Variants in CDKN2AIPNL observed in about 807,000 individuals in gnomAD.
CDKN2AIPNL encodes the protein CDKN2AIP N-terminal-like protein.
Under a neutral mutation model 12.9 loss-of-function variants are expected in CDKN2AIPNL, and 9 were observed. The observed-to-expected ratio is 0.70, with a 90% confidence interval of 0.42 to 1.22. The LOEUF (loss-of-function observed/expected upper bound fraction) is 1.22, where lower values mean the gene tolerates loss of function less well. CDKN2AIPNL is among the 50% of genes most tolerant of loss of function. CDKN2AIPNL has a pLI of 0.00. For missense variants in CDKN2AIPNL, 143 were observed against 153.6 expected (o/e 0.93, Z 0.37); for synonymous variants, 53 against 61.7 (o/e 0.86, Z 0.66).
Position 134,411,860 on chromosome 5 carries a change from C to A in CDKN2AIPNL, c.-6G>T. ...GCCGCCTCGCCACCGACCATGGTGCCCGCCGCAGCCGAGGACCGGATAGCC... is the reference window on the plus strand; with the variant it reads ...GCCGCCTCGCCACCGACCATGGTGCACGCCGCAGCCGAGGACCGGATAGCC... On this transcript the variant is annotated 5_prime_UTR_variant, in exon 1 of 3. Coordinates refer to ENST00000458198, the MANE Select transcript of CDKN2AIPNL (RefSeq NM_080656.3). 6.4e-7 allele frequency: 1 copy of A among 1,559,976 alleles called. No homozygotes were observed. The highest frequency in any genetic ancestry group is 8.7e-7 in the Non-Finnish European group (1 of 1,153,178).
chr5:134,409,260 C>T (rs1365709250), intron 2 of CDKN2AIPNL, among the ~76,000 whole-genome samples: 1 of 152,154 alleles, frequency 6.6e-6, no homozygotes, highest in Non-Finnish European at 1.5e-5. Context: ...AATTCTGCTG[C>T]CTGAGCAGAC....
At position 134,411,820 on chromosome 5, in the gene CDKN2AIPNL, T is replaced by A; in HGVS notation, c.35A>T (p.Glu12Val). The A allele has an allele frequency of 1.3e-6, 2 of 1,595,206 alleles. No homozygotes were observed. The highest frequency in any genetic ancestry group is 1.7e-6 in the Non-Finnish European group (2 of 1,172,130). Residue 12 changes from glutamate (E) to valine (V), a missense_variant, in exon 1 of 3, where the codon GAG (glutamate) becomes GTG (valine). This residue lies in a region of CDKN2AIPNL where 30 missense variants were observed against 25.2 expected (regional missense o/e 1.19). Transcript: ENST00000458198. Reference sequence around the variant, plus strand: ...CGCCTGCCGCACCCCCGAAACCAGCTCCTCCACTGCGGCAGCCGCCTCGCC... The same window carrying A: ...CGCCTGCCGCACCCCCGAAACCAGCACCTCCACTGCGGCAGCCGCCTCGCC... Reference protein sequence around the residue: ...VGGEAAAAVEELVSGVRQAAD... With the variant: ...VGGEAAAAVEVLVSGVRQAAD...
At chr5:134,408,367 C>G (rs1246190121) in intron 2 of CDKN2AIPNL, among the ~76,000 whole-genome samples, 1 of 151,888 alleles carries the variant, frequency 6.6e-6, no homozygotes, top group Admixed American at 6.6e-5. Context: ...AACAGTAGCC[C>G]CTTTTTAACA....
In CDKN2AIPNL at chr5:134,411,528, A is replaced by G; in HGVS notation, c.239+88T>C. On this transcript the variant is annotated intron_variant, in intron 1 of 2. Coordinates refer to ENST00000458198, the MANE Select transcript of CDKN2AIPNL (RefSeq NM_080656.3). ...GTTGGGCCCGGGTTCAGTCTGGGGC[A>G]GAGGTTCGGGTCAGGGGTGAGCCCT... 4 of 1,159,290 alleles carry G rather than the reference A, an allele frequency of 3.5e-6. No homozygotes were observed. In the South Asian group the frequency reaches 4.0e-5, roughly 12 times the overall value. The allele number at this position is 1,159,290 out of a possible 1,614,324, so 71.8% of individuals were successfully genotyped here.
intron 2 of CDKN2AIPNL, among the ~76,000 whole-genome samples, chr5:134,405,196 C>T (rs1759084244): frequency 6.6e-6 from 1 of 150,804 alleles, no homozygotes; most frequent in South Asian, 2.1e-4. Context: ...AGCTCCGCCT[C>T]CCAGGTTCAC....
At position 134,411,821 on chromosome 5, in the gene CDKN2AIPNL, C is replaced by G. The variant is rs1759197558; in HGVS notation, c.34G>C (p.Glu12Gln). 3 of 1,594,850 alleles carry G rather than the reference C, an allele frequency of 1.9e-6. No individual in the cohort carries two copies. The African/African-American group carries it at 4.0e-5, about 22-fold the overall frequency. Reference sequence around the variant, plus strand: ...GCCTGCCGCACCCCCGAAACCAGCTCCTCCACTGCGGCAGCCGCCTCGCCA... The same window carrying G: ...GCCTGCCGCACCCCCGAAACCAGCTGCTCCACTGCGGCAGCCGCCTCGCCA... The part of the protein sequence containing the change: ...VGGEAAAAVE[E>Q]LVSGVRQAAD... The change falls in exon 1 of 3, where the codon GAG (glutamate) becomes CAG (glutamine). Residue 12 changes from glutamate to glutamine, a missense_variant. Physicochemically the swap from Glu to Gln is conservative, Grantham distance 29 (BLOSUM62 2). This residue lies in a region of CDKN2AIPNL where 30 missense variants were observed against 25.2 expected (regional missense o/e 1.19). Transcript: ENST00000458198.
intron 2 of CDKN2AIPNL, among the ~76,000 whole-genome samples, chr5:134,406,066 C>T (rs1389938360): frequency 1.3e-5 from 2 of 152,152 alleles, no homozygotes; most frequent in Non-Finnish European, 2.9e-5. Context: ...GAAAAAAAAT[C>T]ATATACTGCA....
chr5:134,409,881 T>G (rs781284149), intron 2 of CDKN2AIPNL, 22 bp downstream of exon 2: 1 of 1,479,516 alleles, frequency 6.8e-7, no homozygotes, highest in South Asian at 1.1e-5. Context: ...TTTCATCACA[T>G]GCACTTGGAA....
intron 2 of CDKN2AIPNL, among the ~76,000 whole-genome samples, chr5:134,405,962 G>C (rs560276789): frequency 6.6e-6 from 1 of 152,174 alleles, no homozygotes; most frequent in Non-Finnish European, 1.5e-5. Context: ...GGTAAGGTGA[G>C]CAACCACAAA....
intron 2 of CDKN2AIPNL, among the ~76,000 whole-genome samples, chr5:134,409,132 T>C (rs996279179): frequency 1.3e-5 from 2 of 152,202 alleles, no homozygotes; most frequent in African/African-American, 4.8e-5. Flanking sequence ...ATAAGTATAC[T>C]AGGTTTGGGA....
chr5:134,404,871 C>T (rs988441866), intron 2 of CDKN2AIPNL, among the ~76,000 whole-genome samples: 1 of 152,110 alleles, frequency 6.6e-6, no homozygotes, highest in Non-Finnish European at 1.5e-5. Flanking sequence ...CTGCAACCTC[C>T]GCCTTCCAGG....
chr5:134,410,134 CATG>C lies in CDKN2AIPNL; in HGVS notation c.240-135_240-133del, dbSNP rs1360378865. 8 of 607,336 alleles carry C rather than the reference CATG, an allele frequency of 1.3e-5. No homozygotes were observed. The Admixed American group carries it at 1.8e-4, about 14-fold the overall frequency. The allele number at this position is 607,336 out of a possible 1,614,324, so 37.6% of individuals were successfully genotyped here. A position where few individuals can be genotyped will look rare whatever the true frequency, so the allele number is the denominator to read the frequency against. On this transcript the variant is annotated intron_variant, in intron 1 of 2. Transcript: ENST00000458198. Reference sequence around the variant, plus strand: ...CCTGATACTGCAGGGCAAACCTATACATGTTCCCCACAAGGTTTTGAGATGGAG... The same window carrying C: ...CCTGATACTGCAGGGCAAACCTATACTTCCCCACAAGGTTTTGAGATGGAG...
At chr5:134,405,510 G>A (rs1366178197) in intron 2 of CDKN2AIPNL, among the ~76,000 whole-genome samples, 2 of 151,146 alleles carry the variant, frequency 1.3e-5, no homozygotes, top group East Asian at 2.0e-4. Context: ...TCCACCTCCC[G>A]GGTTCAAGTG....
intron 1 of CDKN2AIPNL, chr5:134,410,975 T>C: frequency 1.4e-6 from 1 of 700,940 alleles, no homozygotes; most frequent in Non-Finnish European, 2.6e-6. Context: ...CTTTTGGTGC[T>C]GCAGCCAGGA....
intron 2 of CDKN2AIPNL, among the ~76,000 whole-genome samples, 161 bp from the exon 3 acceptor site, chr5:134,403,087 G>A (rs1019068839): frequency 2.0e-5 from 3 of 152,144 alleles, no homozygotes; most frequent in Non-Finnish European, 2.9e-5. Context: ...AGAAAATTCA[G>A]CAAAACATTG....
At chr5:134,410,280 C>A (rs1215538356) in intron 1 of CDKN2AIPNL, among the ~76,000 whole-genome samples, 2 of 152,104 alleles carry the variant, frequency 1.3e-5, no homozygotes, top group South Asian at 4.2e-4. Context: ...GGATTACAGG[C>A]GTGTGCCACC....
intron 2 of CDKN2AIPNL, among the ~76,000 whole-genome samples, chr5:134,407,246 G>C (rs1169814845): frequency 8.4e-6 from 1 of 119,310 alleles, no homozygotes; most frequent in East Asian, 2.5e-4. Flanking sequence ...GTTTCAGAAA[G>C]ACCCTTCCTA....
chr5:134,407,798 C>A (rs897404374), intron 2 of CDKN2AIPNL, among the ~76,000 whole-genome samples: 4 of 146,984 alleles, frequency 2.7e-5, no homozygotes, highest in African/African-American at 1.0e-4. Context: ...AATCAGAAAA[C>A]CTCTTAGAAA....
chr5:134,405,442 A>T (rs1184361327), intron 2 of CDKN2AIPNL, among the ~76,000 whole-genome samples: 1 of 146,850 alleles, frequency 6.8e-6, no homozygotes, highest in Non-Finnish European at 1.5e-5. Context: ...TTTGAGACAG[A>T]GTCTCACTCT....
Sources: gnomAD v4.1 joint callset for allele counts (sites outside exome capture counted in the v4.1 genomes callset) on GRCh38, gnomAD v4.1.1 for gene constraint, gnomAD v4.1.1 regional missense constraint, MANE v1.5 for transcripts, NCBI Gene and HGNC (gene_info 2026-07-23, HGNC 2026-07-21) for gene names.